Variants in TC2N observed in about 807,000 individuals in gnomAD.
TC2N encodes the protein tandem C2 domains, nuclear, also known as tandem C2 domains nuclear protein.
TC2N carries 51 observed loss-of-function variants against 61.9 expected under a neutral mutation model. The ratio of observed to expected loss-of-function variants is 0.82; its 90% CI spans 0.66 to 1.04. The LOEUF (loss-of-function observed/expected upper bound fraction) is 1.04, where lower values mean the gene tolerates loss of function less well. Ranked by LOEUF, TC2N falls within the 50% of genes least tolerant of loss-of-function variation. TC2N has a pLI of 0.00. For synonymous variants in TC2N, 204 were observed against 192.6 expected (o/e 1.06, Z -0.49); for missense variants, 556 against 566.7 (o/e 0.98, Z 0.19).
At chr14:91,852,412 C>T (rs1477822713) in intron 1 of TC2N, among the ~76,000 whole-genome samples, 1 of 151,968 alleles carries the variant, frequency 6.6e-6, no homozygotes, top group Non-Finnish European at 1.5e-5. Flanking sequence ...GCCTGGGCAA[C>T]AACAGTGAAA....
At chr14:91,785,411 T>C (rs1566758832) in intron 10 of TC2N, 50 bp from the exon 11 acceptor site, 2 of 1,397,072 alleles carry the variant, frequency 1.4e-6, no homozygotes, top group South Asian at 1.2e-5. Flanking sequence ...AAATACCATA[T>C]AAAGATGTGT....
intron 8 of TC2N, 111 bp from the exon 9 acceptor site, chr14:91,792,669 A>G: frequency 2.0e-6 from 1 of 507,004 alleles, no homozygotes; most frequent in East Asian, 3.2e-5. Flanking sequence ...TCTTTTTACA[A>G]CAAAACATCT....
intron 1 of TC2N, among the ~76,000 whole-genome samples, chr14:91,854,254 A>T (rs767547027): frequency 9.2e-5 from 14 of 152,186 alleles, no homozygotes; most frequent in East Asian, 1.9e-4. Flanking sequence ...TGGGCAACTT[A>T]CTTTACCCTG....
At chr14:91,851,787 AC>A (rs772155769) in intron 1 of TC2N, among the ~76,000 whole-genome samples, 9 of 152,224 alleles carry the variant, frequency 5.9e-5, no homozygotes, top group Non-Finnish European at 1.0e-4. Flanking sequence ...GTATTATGCC[AC>A]CAATGTTTAT....
chr14:91,781,756 G>A lies in TC2N; in HGVS notation c.*1344C>T, dbSNP rs1264880710. 6.6e-6 allele frequency: 1 copy of A among 152,040 alleles called. No individual in the cohort carries two copies. The highest frequency in any genetic ancestry group is 1.5e-5 in the Non-Finnish European group (1 of 67,956). 9.4% of individuals were successfully genotyped at this position (152,040 alleles called of 1,614,324 possible). On this transcript the variant is annotated 3_prime_UTR_variant, in exon 12 of 12. Transcript: ENST00000435962. ...CAAAATCAGAGCAGTAGAAGCAAAG[G>A]GGATATAAGATGTGGACATTTTGTA...
At chr14:91,805,054 T>C (rs539184813) in intron 3 of TC2N, among the ~76,000 whole-genome samples, 1 of 152,360 alleles carries the variant, frequency 6.6e-6, no homozygotes, top group South Asian at 2.1e-4. Flanking sequence ...TTCAAAGGTT[T>C]AAATTATTGT....
chr14:91,800,076 A>C (rs757718079), intron 5 of TC2N, among the ~76,000 whole-genome samples: 2 of 152,146 alleles, frequency 1.3e-5, no homozygotes, highest in Non-Finnish European at 2.9e-5. Context: ...TTATTGAAAA[A>C]AGAAAAACTA....
chr14:91,812,002 T>C (rs952906557), intron 3 of TC2N: 57 of 171,316 alleles, frequency 3.3e-4, no homozygotes, highest in Admixed American at 1.9e-3. Context: ...TCATTCTTTT[T>C]TTTTTTCTGA....
At chr14:91,861,694 G>A (rs1888591076) in intron 1 of TC2N, among the ~76,000 whole-genome samples, 1 of 152,216 alleles carries the variant, frequency 6.6e-6, no homozygotes, top group Non-Finnish European at 1.5e-5. Context: ...AGGCCAAGGT[G>A]TGTGGATCAC....
intron 1 of TC2N, among the ~76,000 whole-genome samples, chr14:91,826,291 G>A (rs1170127780): frequency 7.1e-6 from 1 of 141,790 alleles, no homozygotes; most frequent in Non-Finnish European, 1.5e-5. Flanking sequence ...CTGCACTACA[G>A]CCTGGGTGAC....
intron 1 of TC2N, among the ~76,000 whole-genome samples, chr14:91,849,850 C>G (rs961607283): frequency 6.6e-6 from 1 of 152,052 alleles, no homozygotes; most frequent in Non-Finnish European, 1.5e-5. Flanking sequence ...GAGTTTGAGA[C>G]CAGCCTGGCC....
chr14:91,844,554 G>C lies in TC2N; in HGVS notation c.-57+22708C>G, dbSNP rs563671720. On this transcript the variant is annotated intron_variant, in intron 1 of 11. Coordinates refer to ENST00000435962, the MANE Select transcript of TC2N (RefSeq NM_001128596.3). ...CGAGGCGGGCAGATCATGAGGTTAA[G>C]AGATCAAGACCATCCTGGCCAACAT... Among the ~76,000 whole-genome samples, 3 of 152,136 alleles carry C rather than the reference G, an allele frequency of 2.0e-5. No individual in the cohort carries two copies. In the South Asian group the frequency reaches 6.2e-4, roughly 32 times the overall value.
chr14:91,830,219 A>G (rs536446618), intron 1 of TC2N, among the ~76,000 whole-genome samples: 1 of 152,352 alleles, frequency 6.6e-6, no homozygotes, highest in South Asian at 2.1e-4. Context: ...CATAGAAAAC[A>G]TATTTCCACA....
intron 1 of TC2N, among the ~76,000 whole-genome samples, chr14:91,824,557 C>G (rs539480852): frequency 1.3e-5 from 2 of 152,216 alleles, no homozygotes; most frequent in Admixed American, 1.3e-4. Context: ...ATCCACACAT[C>G]CAATTCATCC....
intron 1 of TC2N, among the ~76,000 whole-genome samples, chr14:91,836,726 G>T (rs529572785): frequency 2.1e-5 from 3 of 145,416 alleles, no homozygotes; most frequent in Non-Finnish European, 4.6e-5. Flanking sequence ...CGTCCTCCGC[G>T]ACTCCGCGCT....
chr14:91,812,356 T>C lies in TC2N; in HGVS notation c.257A>G (p.Gln86Arg), dbSNP rs369058411. 6.2e-7 allele frequency: 1 copy of C among 1,612,384 alleles called. No individual in the cohort carries two copies. The highest frequency in any genetic ancestry group is 1.3e-5 in the African/African-American group (1 of 74,858). ...VVPKFKLSYI[Q>R]PRTQETPSHL... Reference sequence around the variant, plus strand: ...TGAAGGAGTTTCTTGTGTCCTGGGTTGAATGTAAGATAACTTAAACTTGGG... The same window carrying C: ...TGAAGGAGTTTCTTGTGTCCTGGGTCGAATGTAAGATAACTTAAACTTGGG... The change falls in exon 3 of 12, where the codon CAA (glutamine) becomes CGA (arginine). Residue 86 changes from glutamine (Q) to arginine (R), a missense_variant. Physicochemically the swap from Gln to Arg is conservative, Grantham distance 43 (BLOSUM62 1). Transcript: ENST00000435962.
At chr14:91,839,741 A>G (rs965184470) in intron 1 of TC2N, among the ~76,000 whole-genome samples, 1 of 152,242 alleles carries the variant, frequency 6.6e-6, no homozygotes, top group African/African-American at 2.4e-5. Context: ...GCCTTAGAAC[A>G]TAACAGCAGA....
intron 1 of TC2N, among the ~76,000 whole-genome samples, chr14:91,818,257 CA>C (rs1224082772): frequency 6.6e-6 from 1 of 152,158 alleles, no homozygotes; most frequent in Non-Finnish European, 1.5e-5. Flanking sequence ...AAGTATTCAA[CA>C]GAGTACTGAT....
rs953074279 is a variant in TC2N, at chr14:91,815,872, T to C, written c.-56-2047A>G. 2.8e-4 allele frequency among the ~76,000 whole-genome samples: 42 copies of C among 151,680 alleles called. 1 individual carries two copies. The highest frequency in any genetic ancestry group is 8.9e-5 in the Non-Finnish European group (6 of 67,662). On this transcript the variant is annotated intron_variant, in intron 1 of 11. Transcript: ENST00000435962. ...CAAGTATTAATACAAACAGTATCTG[T>C]AATGAATGGTAACATATCAAACATT...
Sources: allele counts gnomAD v4.1 joint callset (sites outside exome capture counted in the v4.1 genomes callset), GRCh38; gene constraint gnomAD v4.1.1; transcripts MANE v1.5; gene names NCBI Gene and HGNC (gene_info 2026-07-23, HGNC 2026-07-21).